KIF5A: variants seen among roughly 807,000 people sequenced by gnomAD.
KIF5A encodes the protein kinesin heavy chain isoform 5A.
Under a neutral mutation model 141.3 loss-of-function variants are expected in KIF5A, and 35 were observed. That is an observed-to-expected ratio of 0.25 (90% CI 0.19 to 0.33). KIF5A has a LOEUF of 0.33. KIF5A is among the 10% of genes least tolerant of loss of function. The pLI is 1.00. For synonymous variants in KIF5A, 448 were observed against 500.2 expected (o/e 0.90, Z 1.39); for missense variants, 861 against 1,314.3 (o/e 0.66, Z 5.33).
chr12:57,583,123 G>A lies in KIF5A; in HGVS notation c.3043G>A (p.Glu1015Lys). ...CAGGAGTGACCTGCCGTGTGGCTATGAGGCTGAGGACCAGGCCAAGCTTTT... is the reference window on the plus strand; with the variant it reads ...CAGGAGTGACCTGCCGTGTGGCTATAAGGCTGAGGACCAGGCCAAGCTTTT... ...DNRSDLPCGY[E>K]AEDQAKLFPL... Residue 1015 changes from glutamate (E) to lysine (K), a missense_variant, in exon 28 of 29, where the codon GAG becomes AAG. This residue lies in a region of KIF5A where 482 missense variants were observed against 661.3 expected (regional missense o/e 0.73). Coordinates refer to ENST00000455537, the MANE Select transcript of KIF5A (RefSeq NM_004984.4). 6.2e-7 allele frequency: 1 copy of A among 1,614,014 alleles called. No homozygotes were observed. Among genetic ancestry groups the A allele is most frequent in the Non-Finnish European group, 8.5e-7 (1 of 1,179,994 alleles).
At chr12:57,560,748 T>A (rs1881883350) in intron 1 of KIF5A, among the ~76,000 whole-genome samples, 1 of 152,142 alleles carries the variant, frequency 6.6e-6, no homozygotes, top group South Asian at 2.1e-4. Context: ...ACGCTTGCAA[T>A]CCTAGCACTT....
intron 1 of KIF5A, among the ~76,000 whole-genome samples, chr12:57,556,508 T>A (rs1196100462): frequency 6.6e-6 from 1 of 151,996 alleles, no homozygotes; most frequent in Non-Finnish European, 1.5e-5. Flanking sequence ...TTTTCTTTCT[T>A]CCCAGCCTAG....
intron 23 of KIF5A, among the ~76,000 whole-genome samples, chr12:57,580,640 A>G (rs1308348947): frequency 6.6e-6 from 1 of 152,188 alleles, no homozygotes; most frequent in African/African-American, 2.4e-5. Flanking sequence ...GGGAAACCAG[A>G]TGGAGACAGG....
At position 57,572,788 on chromosome 12, in the gene KIF5A, C is replaced by T; in HGVS notation, c.1716+62C>T. The T allele has an allele frequency of 1.3e-6, 2 of 1,587,090 alleles. No homozygotes were observed. Among genetic ancestry groups the T allele is most frequent in the East Asian group, 2.2e-5 (1 of 44,758 alleles). Reference sequence around the variant, plus strand: ...GCACTAGTGGAAGACGCAAGATGAGCCATCCAGGCCTTCACAGATACTGAG... The same window carrying T: ...GCACTAGTGGAAGACGCAAGATGAGTCATCCAGGCCTTCACAGATACTGAG... On this transcript the variant is annotated intron_variant, in intron 15 of 28. Coordinates refer to ENST00000455537, the MANE Select transcript of KIF5A (RefSeq NM_004984.4). This position sits in a 1 kb window ranked among gnomAD's most constrained non-coding sequence, Gnocchi z 4.2.
At chr12:57,582,773 C>T in intron 27 of KIF5A, 144 bp downstream of exon 27, 1 of 755,090 alleles carries the variant, frequency 1.3e-6, no homozygotes, top group African/African-American at 1.7e-5. Context: ...ACTGTGTTGT[C>T]CAGGAGATCC....
chr12:57,550,498 C>T lies in KIF5A; in HGVS notation c.129+98C>T, dbSNP rs1286275348. 4 of 1,234,508 alleles carry T rather than the reference C, an allele frequency of 3.2e-6. No individual in the cohort carries two copies. In the East Asian group the frequency reaches 7.4e-5, roughly 23 times the overall value. 76.5% of individuals were successfully genotyped at this position (1,234,508 alleles called of 1,614,324 possible). A position where few individuals can be genotyped will look rare whatever the true frequency, so the allele number is the denominator to read the frequency against. On this transcript the variant is annotated intron_variant, in intron 1 of 28. Transcript: ENST00000455537. This position sits in a 1 kb window ranked among gnomAD's most constrained non-coding sequence, Gnocchi z 4.6. ...GTCTCTGCTGGTCCCTTTGCTCCCC[C>T]TCCCCGCCGCTCATCCTTCATCCTC...
At chr12:57,559,028 T>C (rs945088949) in intron 1 of KIF5A, among the ~76,000 whole-genome samples, 32 of 152,228 alleles carry the variant, frequency 2.1e-4, no homozygotes, top group Non-Finnish European at 4.6e-4. Context: ...CCTCCAGACT[T>C]GACCTCCCAA....
At chr12:57,579,889 C>G (rs1882542484) in intron 23 of KIF5A, among the ~76,000 whole-genome samples, 1 of 152,022 alleles carries the variant, frequency 6.6e-6, no homozygotes, top group Non-Finnish European at 1.5e-5. Context: ...TGCCTCTGTT[C>G]AAAGTCCCAA....
chr12:57,583,238 G>GA, intron 28 of KIF5A, 23 bp downstream of exon 28: 1 of 1,452,080 alleles, frequency 6.9e-7, no homozygotes, highest in Non-Finnish European at 9.6e-7. Flanking sequence ...TGCTTCCTCG[G>GA]ACCAGCCTCA....
intron 27 of KIF5A, 156 bp downstream of exon 27, chr12:57,582,785 G>C (rs1882646462): frequency 1.4e-6 from 1 of 729,158 alleles, no homozygotes; most frequent in Admixed American, 2.0e-5. Context: ...AGGAGATCCA[G>C]TCATTCCCCT....
At position 57,584,828 on chromosome 12, in the gene KIF5A, T is replaced by C. The variant is rs1379705144; in HGVS notation, c.*647T>C. ...CAGGTGTTACTTCTGCCCTACAAAG[T>C]CTGCCTTTTGCCTCCCTCTTCCTGT... On this transcript the variant is annotated 3_prime_UTR_variant, in exon 29 of 29. Coordinates refer to ENST00000455537, the MANE Select transcript of KIF5A (RefSeq NM_004984.4). 1 of 152,292 alleles carries C rather than the reference T, an allele frequency of 6.6e-6. No individual in the cohort carries two copies. Among genetic ancestry groups the C allele is most frequent in the African/African-American group, 2.4e-5 (1 of 41,446 alleles). 9.4% of individuals were successfully genotyped at this position (152,292 alleles called of 1,614,324 possible). A position where few individuals can be genotyped will look rare whatever the true frequency, so the allele number is the denominator to read the frequency against.
chr12:57,553,245 AAC>A (rs1881632829), intron 1 of KIF5A, among the ~76,000 whole-genome samples: 1 of 151,784 alleles, frequency 6.6e-6, no homozygotes, highest in African/African-American at 2.4e-5. Flanking sequence ...ACAGTGAAGA[AAC>A]ACATACATAC....
chr12:57,575,078 C>T lies in KIF5A; in HGVS notation c.1717-6C>T, dbSNP rs61935711. On this transcript the variant is annotated splice_region_variant and splice_polypyrimidine_tract_variant and intron_variant, in intron 15 of 28. Coordinates refer to ENST00000455537, the MANE Select transcript of KIF5A (RefSeq NM_004984.4). ...GAAGCATCTCTTCCTCCTTTAATCACCTTAGCCAGTGGAGATCAGTGGGGC... is the reference window on the plus strand; with the variant it reads ...GAAGCATCTCTTCCTCCTTTAATCATCTTAGCCAGTGGAGATCAGTGGGGC... 6.2e-7 allele frequency: 1 copy of T among 1,614,028 alleles called. No individual in the cohort carries two copies. Among genetic ancestry groups the T allele is most frequent in the Non-Finnish European group, 8.5e-7 (1 of 1,179,902 alleles).
chr12:57,569,037 C>T lies in KIF5A; in HGVS notation c.789C>T (p.Gly263=). The T allele has an allele frequency of 6.2e-7, 1 of 1,613,978 alleles. No individual in the cohort carries two copies. The change falls in exon 9 of 29, where the codon GGC becomes GGT. Residue 263 remains glycine, a synonymous_variant. Transcript: ENST00000455537. ...KNINKSLSAL[G]NVISALAEGT... ...TCAACAAGTCACTGTCAGCTCTGGG[C>T]AATGTGATCTCCGCACTGGCTGAGG...
At position 57,569,554 on chromosome 12, in the gene KIF5A, A is replaced by C; in HGVS notation, c.988A>C (p.Thr330Pro). 1.2e-6 allele frequency: 2 copies of C among 1,614,158 alleles called. No homozygotes were observed. Among genetic ancestry groups the C allele is most frequent in the Non-Finnish European group, 8.5e-7 (1 of 1,180,034 alleles). ...ACCCAGGGCAAAGACCATTAAGAAC[A>C]CTGCCTCAGTAAATTTGGAGTTGAC... ...FGQRAKTIKN[T>P]ASVNLELTAE... The change falls in exon 11 of 29, where the codon ACT becomes CCT. Residue 330 changes from threonine (T) to proline (P), a missense_variant. Thr to Pro is a conservative substitution (Grantham distance 38, BLOSUM62 -1). Transcript: ENST00000455537.
intron 1 of KIF5A, among the ~76,000 whole-genome samples, chr12:57,558,176 G>A (rs1466919027): frequency 4.6e-5 from 7 of 152,144 alleles, no homozygotes; most frequent in East Asian, 3.9e-4. Context: ...AGGCCGAGGC[G>A]GGAGGATCAC....
rs768069998 is a variant in KIF5A at position 57,575,130 on chromosome 12, G to A, written c.1763G>A (p.Arg588Gln). The A allele has an allele frequency of 1.2e-6, 2 of 1,614,022 alleles. No homozygotes were observed. The highest frequency in any genetic ancestry group is 2.2e-5 in the East Asian group (1 of 44,860). ...GAIEEEFTVA[R>Q]LYISKIKSEV... ...ATCGAGGAGGAGTTCACTGTGGCCC[G>A]ACTCTACATCAGCAAAATCAAATCA... Residue 588 changes from arginine (R) to glutamine (Q), a missense_variant, in exon 16 of 29, where the codon CGA (arginine) becomes CAA (glutamine). Physicochemically the swap from Arg to Gln is conservative, Grantham distance 43. Transcript: ENST00000455537.
intron 8 of KIF5A, among the ~76,000 whole-genome samples, chr12:57,568,638 C>T (rs1468558544): frequency 1.3e-5 from 2 of 151,912 alleles, no homozygotes; most frequent in Non-Finnish European, 2.9e-5. Flanking sequence ...GGCAGGATAA[C>T]CGCTTGAACC....
intron 1 of KIF5A, among the ~76,000 whole-genome samples, chr12:57,559,374 G>A (rs966856064): frequency 3.3e-5 from 5 of 152,074 alleles, no homozygotes; most frequent in East Asian, 3.8e-4. Context: ...AGTGTAATGC[G>A]TTGTCTATTT....
Sources: gnomAD v4.1 joint callset for allele counts (sites outside exome capture counted in the v4.1 genomes callset) on GRCh38, gnomAD v4.1.1 for gene constraint, gnomAD v4.1.1 regional missense constraint, Gnocchi (gnomAD v3.1) non-coding constraint, MANE v1.5 for transcripts, NCBI Gene and HGNC (gene_info 2026-07-23, HGNC 2026-07-21) for gene names.